The following CROCC variants were observed in gnomAD, a reference collection of about 807,000 sequenced individuals.
CROCC encodes the protein ciliary rootlet coiled-coil, rootletin.
In CROCC, 180 loss-of-function variants were observed where a neutral mutation model predicts 245.2. The observed-to-expected ratio is 0.73, with a 90% CI of 0.65 to 0.83. CROCC has a LOEUF of 0.83. Ranked by LOEUF, CROCC falls within the 40% of genes least tolerant of loss-of-function variation. The pLI is 0.00. For missense variants in CROCC, 2,688 were observed against 2,779.4 expected (o/e 0.97, Z 0.74); for synonymous variants, 1,205 against 1,241.6 (o/e 0.97, Z 0.62).
chr1:16,919,509 G>C (rs2075359455), upstream of CROCC, among the ~76,000 whole-genome samples: 1 of 152,284 alleles, frequency 6.6e-6, no homozygotes, highest in Non-Finnish European at 1.5e-5. Context: ...ACAAGCCGCA[G>C]GCAAAACTCT....
rs372111229 is a variant in CROCC, at chr1:16,938,501, C to T, written c.1374+18C>T. 4.6e-5 allele frequency: 72 copies of T among 1,552,756 alleles called. No individual in the cohort carries two copies. The highest frequency in any genetic ancestry group is 2.2e-4 in the African/African-American group (16 of 73,586). ...TGGCACAGGTGTGAGCCCAGAGAGG[C>T]GGGAAGACAGCGCCCTGCCAGGCAG... On this transcript the variant is annotated intron_variant, in intron 11 of 36. Coordinates refer to ENST00000375541, the MANE Select transcript of CROCC (RefSeq NM_014675.5).
At chr1:16,925,696 GTGTTCC>G (rs1403200605) in intron 3 of CROCC, among the ~76,000 whole-genome samples, 1 of 152,282 alleles carries the variant, frequency 6.6e-6, no homozygotes, top group Non-Finnish European at 1.5e-5. Context: ...AGGAGGGTGT[GTGTTCC>G]TGTGTATGAC....
In CROCC at chr1:16,966,339, AT is replaced by A; in HGVS notation, c.4697-65del. The A allele has an allele frequency of 6.8e-7, 1 of 1,464,366 alleles. No homozygotes were observed. Among genetic ancestry groups the A allele is most frequent in the Non-Finnish European group, 9.0e-7 (1 of 1,106,050 alleles). The allele number at this position is 1,464,366 out of a possible 1,614,324, so 90.7% of individuals were successfully genotyped here. A position where few individuals can be genotyped will look rare whatever the true frequency, so the allele number is the denominator to read the frequency against. On this transcript the variant is annotated intron_variant, in intron 29 of 36. Transcript: ENST00000375541. This position sits in a 1 kb window ranked among gnomAD's most constrained non-coding sequence, Gnocchi z 4.8. ...GCACTGGGTGGAGTGCAGGCTGGAC[AT>A]TTTGTGACCTGGTTTGGGTCTCGGG...
upstream of CROCC, among the ~76,000 whole-genome samples, chr1:16,920,382 G>T (rs1490870218): frequency 1.3e-5 from 2 of 152,150 alleles, no homozygotes; most frequent in Non-Finnish European, 2.9e-5. Flanking sequence ...TAGTAGAGAT[G>T]GGGTTTCACT....
At chr1:16,965,615 T>C (rs966810977) in intron 27 of CROCC, 108 bp from the exon 28 acceptor site, 1 of 831,738 alleles carries the variant, frequency 1.2e-6, no homozygotes, top group Non-Finnish European at 2.0e-6. Context: ...AGCAGAGAAG[T>C]TGGGCTTGAT....
chr1:16,970,228 G>A (rs1204714759), intron 33 of CROCC, 25 bp from the exon 34 acceptor site: 12 of 1,524,036 alleles, frequency 7.9e-6, no homozygotes, highest in Middle Eastern at 3.4e-4. Flanking sequence ...AGAGGGATTC[G>A]GGGCCTGCCT....
At chr1:16,931,122 C>T (rs892180166) in intron 7 of CROCC, among the ~76,000 whole-genome samples, 169 bp from the exon 8 acceptor site, 5 of 152,292 alleles carry the variant, frequency 3.3e-5, no homozygotes, top group African/African-American at 1.2e-4. Flanking sequence ...AGCCATGAGG[C>T]TTGGGAGGCT....
At chr1:16,942,971 A>G (rs1052288864) in intron 13 of CROCC, among the ~76,000 whole-genome samples, 1 of 152,224 alleles carries the variant, frequency 6.6e-6, no homozygotes, top group Non-Finnish European at 1.5e-5. Flanking sequence ...GGCCGGGCAC[A>G]GTGGCTCACT....
intron 19 of CROCC, among the ~76,000 whole-genome samples, chr1:16,950,615 C>T (rs1034681215): frequency 6.6e-6 from 1 of 152,252 alleles, no homozygotes; most frequent in African/African-American, 2.4e-5. Context: ...GCCCCAGCTT[C>T]CCAAAGTGCT....
Position 16,936,682 on chromosome 1 carries a change from T to G in CROCC, c.1002T>G (p.Ala334=). The change falls in exon 9 of 37, where the codon GCT becomes GCG. Residue 334 remains alanine (A), a synonymous_variant. Coordinates refer to ENST00000375541, the MANE Select transcript of CROCC (RefSeq NM_014675.5). The stretch of plus-strand genomic sequence containing the variant: ...GGGAGCTGGCCCGGACATCACGAGC[T>G]GTCCAGGAGGCGGGCCTGGGACTGA... ...LGGELARTSR[A]VQEAGLGLST... The G allele has an allele frequency of 6.2e-7, 1 of 1,600,892 alleles. No individual in the cohort carries two copies. Among genetic ancestry groups the G allele is most frequent in the Non-Finnish European group, 8.5e-7 (1 of 1,173,958 alleles).
At chr1:16,921,163 G>A (rs1243533625), upstream of CROCC, among the ~76,000 whole-genome samples, 40 of 152,366 alleles carry the variant, frequency 2.6e-4, no homozygotes, top group African/African-American at 7.9e-4. Context: ...TTTCATCCCC[G>A]GACGGCTCCG....
In CROCC at chr1:16,929,928, G is replaced by C; in HGVS notation, c.434G>C (p.Arg145Pro). The C allele has an allele frequency of 5.0e-6, 8 of 1,588,548 alleles. No homozygotes were observed. The highest frequency in any genetic ancestry group is 6.8e-6 in the Non-Finnish European group (8 of 1,170,806). The change falls in exon 4 of 37, where the codon CGG becomes CCG. Residue 145 changes from arginine to proline, a missense_variant. Coordinates refer to ENST00000375541, the MANE Select transcript of CROCC (RefSeq NM_014675.5). ...CTGGTACGGCAGAGCGTGGAGTTGC[G>C]GAGGCAGCTGCAGGAGGAGCAGGCC... ...RGLVRQSVEL[R>P]RQLQEEQASY...
rs377303169 is a variant in CROCC at position 16,958,683 on chromosome 1, G to A, written c.3965G>A (p.Arg1322Gln). ...GAGCGGGCAGAGAAGGAGAGCAGGC[G>A]GGAGACCCTGGGCCTCCGGCAGAGG... is the stretch of plus-strand genomic sequence containing the variant. ...LGERAEKESR[R>Q]ETLGLRQRLL... Residue 1322 changes from arginine (R) to glutamine (Q), a missense_variant, in exon 26 of 37, where the codon CGG becomes CAG. By Grantham distance (43) the Arg-to-Gln change is conservative. Coordinates refer to ENST00000375541, the MANE Select transcript of CROCC (RefSeq NM_014675.5). The A allele has an allele frequency of 6.5e-5, 101 of 1,557,172 alleles. No homozygotes were observed. The highest frequency in any genetic ancestry group is 2.3e-4 in the Admixed American group (12 of 51,572).
At chr1:16,970,912 T>G (rs1463148131) in intron 35 of CROCC, 145 bp downstream of exon 35, 1 of 976,484 alleles carries the variant, frequency 1.0e-6, no homozygotes, top group Non-Finnish European at 1.4e-6. Context: ...CAGCGGGCCA[T>G]GGAGGGATGG....
intron 8 of CROCC, among the ~76,000 whole-genome samples, chr1:16,933,925 A>G (rs1375342204): frequency 6.6e-6 from 1 of 152,272 alleles, no homozygotes; most frequent in East Asian, 1.9e-4. Flanking sequence ...GTCCTTGGAG[A>G]TTCTCATGGT....
Position 16,946,992 on chromosome 1 carries a change from G to C in CROCC, c.2514+1G>C. ...CCAGCTGCAGGAGCAGCTAGCGCAGGTGGGCAAAGCTGTGTGTGGGGGTGG... is the reference window on the plus strand; with the variant it reads ...CCAGCTGCAGGAGCAGCTAGCGCAGCTGGGCAAAGCTGTGTGTGGGGGTGG... On this transcript the variant is annotated splice_donor_variant, in intron 17 of 36. Transcript: ENST00000375541. LOFTEE classifies it high-confidence loss of function. The C allele has an allele frequency of 6.5e-7, 1 of 1,549,742 alleles. No homozygotes were observed. The highest frequency in any genetic ancestry group is 8.7e-7 in the Non-Finnish European group (1 of 1,147,364).
Position 16,961,048 on chromosome 1 carries a change from C to G in CROCC, c.4323C>G (p.Arg1441=). 1 of 1,334,148 alleles carries G rather than the reference C, an allele frequency of 7.5e-7. No homozygotes were observed. The highest frequency in any genetic ancestry group is 1.9e-5 in the South Asian group (1 of 52,080). 82.6% of individuals were successfully genotyped at this position (1,334,148 alleles called of 1,614,324 possible). A position where few individuals can be genotyped will look rare whatever the true frequency, so the allele number is the denominator to read the frequency against. The change falls in exon 27 of 37, where the codon CGC becomes CGG. Residue 1441 remains arginine (R), a synonymous_variant. Coordinates refer to ENST00000375541, the MANE Select transcript of CROCC (RefSeq NM_014675.5). The part of the protein sequence containing the change: ...AQLGGLRSAL[R]RGLGLGRAPS... ...TGGGTGGCCTGCGCTCGGCTCTGCG[C>G]CGGGGCCTCGGCCTCGGTCGCGCGC...
In CROCC at chr1:16,951,051, G is replaced by C. The variant is rs779278591; in HGVS notation, c.2935G>C (p.Glu979Gln). 1 of 1,607,530 alleles carries C rather than the reference G, an allele frequency of 6.2e-7. No individual in the cohort carries two copies. Among genetic ancestry groups the C allele is most frequent in the Admixed American group, 1.7e-5 (1 of 59,126 alleles). ...MAQKLVQAER[E>Q]AQASLREQRA... ...CCAGAAGCTGGTGCAGGCTGAGCGGGAGGCCCAGGCCTCTCTGCGGGAGCA... is the reference window on the plus strand; with the variant it reads ...CCAGAAGCTGGTGCAGGCTGAGCGGCAGGCCCAGGCCTCTCTGCGGGAGCA... Residue 979 changes from glutamate (E) to glutamine (Q), a missense_variant, in exon 20 of 37, where the codon GAG becomes CAG. Glu to Gln is a conservative substitution (Grantham distance 29). This residue lies in a region of CROCC where 106 missense variants were observed against 126.1 expected (regional missense o/e 0.84). Coordinates refer to ENST00000375541, the MANE Select transcript of CROCC (RefSeq NM_014675.5).
chr1:16,954,437 A>G lies in CROCC; in HGVS notation c.3321+80A>G, dbSNP rs1010539031. 1.3e-5 allele frequency: 20 copies of G among 1,525,908 alleles called. No individual in the cohort carries two copies. The highest frequency in any genetic ancestry group is 9.8e-5 in the Admixed American group (5 of 50,950). The allele number at this position is 1,525,908 out of a possible 1,614,324, so 94.5% of individuals were successfully genotyped here. ...TGAGGAGCCCCCACCACGGGGCGGCATGGCCCTGTCCTGGAGAAGCTTCCA... is the reference window on the plus strand; with the variant it reads ...TGAGGAGCCCCCACCACGGGGCGGCGTGGCCCTGTCCTGGAGAAGCTTCCA... On this transcript the variant is annotated intron_variant, in intron 22 of 36. Coordinates refer to ENST00000375541, the MANE Select transcript of CROCC (RefSeq NM_014675.5). This position sits in a 1 kb window ranked among gnomAD's most constrained non-coding sequence, Gnocchi z 4.4.
Sources: allele counts gnomAD v4.1 joint callset (sites outside exome capture counted in the v4.1 genomes callset), GRCh38; gene constraint gnomAD v4.1.1; regional missense constraint gnomAD v4.1.1; non-coding constraint Gnocchi (gnomAD v3.1); transcripts MANE v1.5; gene names NCBI Gene and HGNC (gene_info 2026-07-23, HGNC 2026-07-21).